Variants in RBFOX1 observed in about 807,000 individuals in gnomAD.
The protein encoded by RBFOX1 is RNA binding protein fox-1 homolog 1.
In RBFOX1, 8 loss-of-function variants were observed where a neutral mutation model predicts 57.7. That is an observed-to-expected ratio of 0.14 (90% CI 0.08 to 0.25). RBFOX1 has a LOEUF of 0.25. Among genes scored for constraint, RBFOX1 ranks in the 10% least tolerant of loss-of-function variants. The probability of loss-of-function intolerance (pLI) is 1.00; values close to 1 mark genes in which losing one functional copy is unlikely to be tolerated. For synonymous variants in RBFOX1, 326 were observed against 222.4 expected, an observed-to-expected ratio of 1.47 and a Z score of -4.15; for missense variants, 611 against 548.5, an observed-to-expected ratio of 1.11 and a Z score of -1.14.
intron 1 of RBFOX1, among the ~76,000 whole-genome samples, chr16:5,337,622 A>G (rs2064930838): frequency 6.6e-6 from 1 of 152,218 alleles, no homozygotes; most frequent in South Asian, 2.1e-4. Flanking sequence ...TTTGGTTTGG[A>G]AACTGTGATG....
At chr16:6,777,620 A>AC (rs2079597726) in intron 3 of RBFOX1, among the ~76,000 whole-genome samples, 2 of 152,296 alleles carry the variant, frequency 1.3e-5, no homozygotes, top group South Asian at 4.1e-4. Context: ...GAAATTTCAC[A>AC]CGTTATTCAG....
At chr16:5,243,513 G>A (rs1479318445) in intron 1 of RBFOX1, among the ~76,000 whole-genome samples, 6 of 152,258 alleles carry the variant, frequency 3.9e-5, no homozygotes, top group East Asian at 1.9e-4. Flanking sequence ...GGTGGGGGCC[G>A]TCCCGTGTAT....
chr16:7,079,133 A>G (rs2058768329), intron 4 of RBFOX1, among the ~76,000 whole-genome samples: 1 of 152,082 alleles, frequency 6.6e-6, no homozygotes, highest in African/African-American at 2.4e-5. Flanking sequence ...CAGGAGCCAT[A>G]CATTGTCTGT....
At chr16:5,763,716 G>C (rs977397165) in intron 3 of RBFOX1, among the ~76,000 whole-genome samples, 2 of 152,170 alleles carry the variant, frequency 1.3e-5, no homozygotes, top group African/African-American at 4.8e-5. Flanking sequence ...TCAGCAGGTC[G>C]AGGTTCAACC....
At chr16:6,836,485 G>T (rs1040631418) in intron 3 of RBFOX1, among the ~76,000 whole-genome samples, 3 of 152,184 alleles carry the variant, frequency 2.0e-5, no homozygotes, top group African/African-American at 4.8e-5. Flanking sequence ...CTTGCTTTCT[G>T]TATCACTTCA....
At chr16:6,855,810 C>T (rs1055683884) in intron 3 of RBFOX1, among the ~76,000 whole-genome samples, 1 of 151,530 alleles carries the variant, frequency 6.6e-6, no homozygotes, top group East Asian at 1.9e-4. Flanking sequence ...TTCCTTCTTC[C>T]CTTCCTTCCT....
chr16:5,242,899 G>A (rs950126455), intron 1 of RBFOX1, among the ~76,000 whole-genome samples: 17 of 151,474 alleles, frequency 1.1e-4, no homozygotes, highest in African/African-American at 4.1e-4. Context: ...GGTGGCTAGA[G>A]GATGTTTTAG....
At chr16:7,523,838 G>C (rs754754427) in intron 5 of RBFOX1, among the ~76,000 whole-genome samples, 1 of 152,182 alleles carries the variant, frequency 6.6e-6, no homozygotes, top group Non-Finnish European at 1.5e-5. Context: ...ATCTACACCA[G>C]CAGAACGTGG....
intron 3 of RBFOX1, among the ~76,000 whole-genome samples, chr16:6,823,787 A>C (rs4786121): frequency 1.6e-4 from 25 of 152,066 alleles, no homozygotes; most frequent in African/African-American, 4.8e-4. Context: ...CAGATAGGAA[A>C]ACTAATAATA....
chr16:6,495,261 G>T (rs1329857942), intron 2 of RBFOX1, among the ~76,000 whole-genome samples: 1 of 152,242 alleles, frequency 6.6e-6, no homozygotes, highest in Non-Finnish European at 1.5e-5. Context: ...TGGGATTATA[G>T]GTGCCCGCCA....
intron 4 of RBFOX1, among the ~76,000 whole-genome samples, chr16:5,975,344 A>G (rs965048133): frequency 6.6e-6 from 1 of 152,222 alleles, no homozygotes; most frequent in East Asian, 1.9e-4. Flanking sequence ...CCATATCATT[A>G]GAGCAATAGC....
chr16:5,649,961 C>G lies in RBFOX1; in HGVS notation c.318+51000C>G, dbSNP rs569298037. 1.3e-5 allele frequency among the ~76,000 whole-genome samples: 2 copies of G among 152,274 alleles called. 1 individual carries two copies. Among genetic ancestry groups the G allele is most frequent in the Admixed American group, 1.3e-4 (2 of 15,296 alleles). ...GCAAGAATCGCCTCCCGGTGGAACA[C>G]GCGGGGAGGTCGGCCCACAGGAAGA... On this transcript the variant is annotated intron_variant, in intron 3 of 19. Coordinates refer to the RBFOX1 transcript ENST00000641259.
chr16:7,340,449 T>C (rs895887801), intron 4 of RBFOX1, among the ~76,000 whole-genome samples: 8 of 152,334 alleles, frequency 5.3e-5, no homozygotes, highest in African/African-American at 1.9e-4. Flanking sequence ...ATGGCTGTTT[T>C]ACCTGGTATC....
intron 5 of RBFOX1, among the ~76,000 whole-genome samples, chr16:7,573,972 T>A (rs528029056): frequency 6.6e-6 from 1 of 152,172 alleles, no homozygotes; most frequent in Non-Finnish European, 1.5e-5. Flanking sequence ...TTCTAGATGG[T>A]TTGTCCTATT....
chr16:5,756,868 T>C (rs554863278), intron 3 of RBFOX1, among the ~76,000 whole-genome samples: 6 of 152,296 alleles, frequency 3.9e-5, no homozygotes, highest in Admixed American at 1.3e-4. Context: ...ATGCAGAAAC[T>C]GGGCTAAGCA....
rs1486957444 is a variant in RBFOX1 at position 5,996,541 on chromosome 16, T to A, written c.351+129206T>A. ...GAGGGCACAGGCAGCATACTCAAAT[T>A]AGGTAACTTGTAAGTGAGGGGGCTA... is the stretch of plus-strand genomic sequence containing the variant. On this transcript the variant is annotated intron_variant, in intron 4 of 19. Transcript: ENST00000641259. 2.0e-5 allele frequency among the ~76,000 whole-genome samples: 3 copies of A among 151,878 alleles called. No individual in the cohort carries two copies. The East Asian group carries it at 5.8e-4, about 29-fold the overall frequency.
chr16:6,369,488 T>C (rs2090128790), intron 2 of RBFOX1, among the ~76,000 whole-genome samples: 1 of 152,184 alleles, frequency 6.6e-6, no homozygotes, highest in African/African-American at 2.4e-5. Flanking sequence ...GAGGGAAGAA[T>C]GGTTAATTTT....
At chr16:7,563,004 C>CA (rs1567842395) in intron 5 of RBFOX1, among the ~76,000 whole-genome samples, 1 of 152,152 alleles carries the variant, frequency 6.6e-6, no homozygotes, top group African/African-American at 2.4e-5. Context: ...GATTGCAATG[C>CA]CAGGGCTCTA....
At chr16:5,712,456 G>A (rs981289036) in intron 3 of RBFOX1, among the ~76,000 whole-genome samples, 1 of 152,166 alleles carries the variant, frequency 6.6e-6, no homozygotes, top group African/African-American at 2.4e-5. Context: ...TGATTCCAAA[G>A]GTTTGGCTTT....
Sources: gnomAD v4.1 joint callset for allele counts (sites outside exome capture counted in the v4.1 genomes callset) on GRCh38, gnomAD v4.1.1 for gene constraint, MANE v1.5 for transcripts, NCBI Gene and HGNC (gene_info 2026-07-23, HGNC 2026-07-21) for gene names.